The following DCBLD2 variants were observed in gnomAD, a reference collection of about 807,000 sequenced individuals.
The protein encoded by DCBLD2 is discoidin, CUB and LCCL domain-containing protein 2.
A neutral mutation model predicts 86.8 loss-of-function variants in DCBLD2; 54 were observed. That is an observed-to-expected ratio of 0.62 (90% CI 0.50 to 0.78). The LOEUF (loss-of-function observed/expected upper bound fraction) is 0.78. DCBLD2 is among the 30% of genes least tolerant of loss of function. The pLI is 0.00. For synonymous variants in DCBLD2, 354 were observed against 341.3 expected, an observed-to-expected ratio of 1.04 and a Z score of -0.41; for missense variants, 908 against 954.2, an observed-to-expected ratio of 0.95 and a Z score of 0.64.
chr3:98,855,501 G>C (rs1284679188), intron 2 of DCBLD2, among the ~76,000 whole-genome samples: 2 of 152,098 alleles, frequency 1.3e-5, no homozygotes, highest in African/African-American at 4.8e-5. Flanking sequence ...ACATAAAAAA[G>C]TGTCAGTTTT....
At chr3:98,877,960 G>A (rs1440820256) in intron 2 of DCBLD2, among the ~76,000 whole-genome samples, 1 of 151,990 alleles carries the variant, frequency 6.6e-6, no homozygotes, top group Non-Finnish European at 1.5e-5. Context: ...GGAATCCATT[G>A]ACTTCACACT....
intron 4 of DCBLD2, 77 bp from the exon 5 acceptor site, chr3:98,822,818 C>T (rs1315977264): frequency 3.9e-6 from 5 of 1,284,388 alleles, no homozygotes; most frequent in Non-Finnish European, 4.3e-6. Flanking sequence ...AAAAATATCA[C>T]AGACACATTT....
chr3:98,849,446 A>G lies in DCBLD2; in HGVS notation c.571+15T>C. The G allele has an allele frequency of 1.2e-6, 2 of 1,613,936 alleles. No individual in the cohort carries two copies. The highest frequency in any genetic ancestry group is 1.7e-6 in the Non-Finnish European group (2 of 1,179,856). Reference sequence around the variant, plus strand: ...ATTACAAACTGTAGGAACCATTGCAAAAGGTGAAAATTACCTTGTTTATCT... The same window carrying G: ...ATTACAAACTGTAGGAACCATTGCAGAAGGTGAAAATTACCTTGTTTATCT... On this transcript the variant is annotated intron_variant, in intron 3 of 15. Transcript: ENST00000326840.
intron 5 of DCBLD2, 55 bp downstream of exon 5, chr3:98,822,614 T>A: frequency 1.3e-6 from 2 of 1,483,172 alleles, no homozygotes; most frequent in Non-Finnish European, 1.8e-6. Flanking sequence ...TACTCTGGAG[T>A]TCTAAAAAAA....
In DCBLD2 at chr3:98,901,249, G is replaced by C. The variant is rs921962971; in HGVS notation, c.78C>G (p.Ala26=). 2 of 1,531,712 alleles carry C rather than the reference G, an allele frequency of 1.3e-6. No homozygotes were observed. Among genetic ancestry groups the C allele is most frequent in the Non-Finnish European group, 8.7e-7 (1 of 1,144,536 alleles). The allele number at this position is 1,531,712 out of a possible 1,614,324, so 94.9% of individuals were successfully genotyped here. A position where few individuals can be genotyped will look rare whatever the true frequency, so the allele number is the denominator to read the frequency against. Residue 26 remains alanine, a synonymous_variant, in exon 1 of 16, where the codon GCC becomes GCG. Transcript: ENST00000326840. ...AGCGGGAGAGGGGGAGCGCGGCCCA[G>C]GCGGGGGCGGCGGCCGCGGCCCGGA... ...PQVRAAAAAP[A]WAALPLSRSL... is the part of the protein sequence containing the mutation.
chr3:98,886,690 G>A (rs1837501), intron 1 of DCBLD2, among the ~76,000 whole-genome samples: 199 of 151,810 alleles, frequency 1.3e-3, no homozygotes, highest in African/African-American at 4.5e-3. Flanking sequence ...TGATTCTTTG[G>A]CTGCACATTT....
intron 2 of DCBLD2, among the ~76,000 whole-genome samples, chr3:98,850,919 T>G (rs1452388349): frequency 2.0e-5 from 3 of 152,196 alleles, no homozygotes; most frequent in African/African-American, 7.2e-5. Context: ...ATAAAATTGC[T>G]TTAAAAAGTT....
chr3:98,843,088 TTAAG>T (rs1354445538), intron 3 of DCBLD2, among the ~76,000 whole-genome samples: 4 of 152,230 alleles, frequency 2.6e-5, no homozygotes, highest in Admixed American at 2.6e-4. Context: ...TCTTAACAGA[TTAAG>T]TGTTTAAATT....
intron 1 of DCBLD2, among the ~76,000 whole-genome samples, chr3:98,896,501 C>T (rs1326236105): frequency 6.6e-6 from 1 of 152,114 alleles, no homozygotes; most frequent in Admixed American, 6.5e-5. Context: ...TGTAGGTATG[C>T]TTATGTGTGC....
At chr3:98,839,121 T>C (rs1983005) in intron 3 of DCBLD2, among the ~76,000 whole-genome samples, 45,345 of 97,460 alleles carry the variant, frequency 0.47, 8,482 homozygotes, top group East Asian at 0.73. Context: ...TTCTTTCTTT[T>C]TCTTTCTTTC....
chr3:98,841,979 C>A (rs1285792565), intron 3 of DCBLD2, among the ~76,000 whole-genome samples: 4 of 152,102 alleles, frequency 2.6e-5, no homozygotes, highest in Admixed American at 2.6e-4. Flanking sequence ...GCAGGAGAAT[C>A]GCTTGAACCC....
chr3:98,839,190 T>TCCTTCCTA (rs1942571569), intron 3 of DCBLD2, among the ~76,000 whole-genome samples: 1 of 149,772 alleles, frequency 6.7e-6, no homozygotes, highest in Non-Finnish European at 1.5e-5. Context: ...CTTCCTTCCT[T>TCCTTCCTA]CCTTCCTTCC....
chr3:98,874,776 C>T (rs1435662565), intron 2 of DCBLD2, among the ~76,000 whole-genome samples: 2 of 152,206 alleles, frequency 1.3e-5, no homozygotes, highest in African/African-American at 4.8e-5. Flanking sequence ...TTTCTCTCTC[C>T]TCATCCCTCC....
intron 2 of DCBLD2, among the ~76,000 whole-genome samples, chr3:98,859,565 A>G (rs1943000643): frequency 6.6e-6 from 1 of 152,214 alleles, no homozygotes; most frequent in African/African-American, 2.4e-5. Flanking sequence ...TTTGCTGTTC[A>G]GCAATATTCA....
intron 2 of DCBLD2, among the ~76,000 whole-genome samples, chr3:98,874,125 C>T (rs1052392981): frequency 6.6e-6 from 1 of 152,110 alleles, no homozygotes; most frequent in Non-Finnish European, 1.5e-5. Flanking sequence ...CAAAAACGCA[C>T]CAGGCTAAAA....
chr3:98,801,550 G>A, intron 14 of DCBLD2, 50 bp downstream of exon 14: 2 of 1,499,982 alleles, frequency 1.3e-6, no homozygotes, highest in Non-Finnish European at 1.8e-6. Flanking sequence ...CCCCTGTAGG[G>A]GAGCGACATC....
intron 1 of DCBLD2, among the ~76,000 whole-genome samples, chr3:98,882,505 T>C (rs1449836087): frequency 6.6e-6 from 1 of 152,148 alleles, no homozygotes; most frequent in African/African-American, 2.4e-5. Context: ...ATGTGCCATG[T>C]TGGTTTGCTG....
At chr3:98,823,157 A>G (rs1942154774) in intron 4 of DCBLD2, among the ~76,000 whole-genome samples, 4 of 152,104 alleles carry the variant, frequency 2.6e-5, no homozygotes, top group Admixed American at 2.6e-4. Flanking sequence ...TCAGGTGTGA[A>G]TGACTGTGCC....
intron 1 of DCBLD2, among the ~76,000 whole-genome samples, chr3:98,886,789 A>G (rs1472226291): frequency 2.8e-5 from 4 of 142,712 alleles, no homozygotes; most frequent in Non-Finnish European, 6.1e-5. Flanking sequence ...TTTTGATATT[A>G]TTACAGGAAA....
Sources: gnomAD v4.1 joint callset for allele counts (sites outside exome capture counted in the v4.1 genomes callset) on GRCh38, gnomAD v4.1.1 for gene constraint, MANE v1.5 for transcripts, NCBI Gene and HGNC (gene_info 2026-07-23, HGNC 2026-07-21) for gene names.